TAFA2: variants seen among roughly 807,000 people sequenced by gnomAD.
TAFA2 encodes chemokine-like protein TAFA-2.
Under a neutral mutation model 18.8 loss-of-function variants are expected in TAFA2, and 7 were observed. That is an observed-to-expected ratio of 0.37 (90% CI 0.21 to 0.70). The LOEUF (loss-of-function observed/expected upper bound fraction) is 0.70. Ranked by LOEUF, TAFA2 falls within the 30% of genes least tolerant of loss-of-function variation. The pLI, the probability that TAFA2 is intolerant of heterozygous loss-of-function variation, is 0.53. For missense variants in TAFA2, 122 were observed against 158.1 expected, an observed-to-expected ratio of 0.77 and a Z score of 1.23; for synonymous variants, 60 against 54.2, an observed-to-expected ratio of 1.11 and a Z score of -0.47.
intron 4 of TAFA2, among the ~76,000 whole-genome samples, chr12:61,742,285 GACATCATCCA>G (rs1195817138): frequency 6.6e-6 from 1 of 152,114 alleles, no homozygotes; most frequent in Admixed American, 6.5e-5. Context: ...TGTTAACAAT[GACATCATCCA>G]ACTAGCAGGC....
At chr12:62,221,318 T>C (rs2062762046) in intron 1 of TAFA2, among the ~76,000 whole-genome samples, 1 of 152,020 alleles carries the variant, frequency 6.6e-6, no homozygotes, top group South Asian at 2.1e-4. Flanking sequence ...TCCAAATAGC[T>C]AGATGTACAG....
intron 2 of TAFA2, among the ~76,000 whole-genome samples, chr12:61,866,155 C>T (rs533010311): frequency 9.2e-5 from 14 of 152,218 alleles, no homozygotes; most frequent in African/African-American, 3.4e-4. Context: ...TATATTCACA[C>T]ACACGAAAAC....
chr12:61,782,315 C>T (rs1870539826), intron 2 of TAFA2, among the ~76,000 whole-genome samples: 1 of 151,668 alleles, frequency 6.6e-6, no homozygotes. Flanking sequence ...TCTCTGAAGC[C>T]TGCTACTTGG....
intron 1 of TAFA2, among the ~76,000 whole-genome samples, chr12:61,955,633 ATATATATATATATATATATATATATAT>A (rs1878659267): frequency 1.8e-3 from 16 of 8,766 alleles, no homozygotes; most frequent in Non-Finnish European, 3.1e-3. Flanking sequence ...AAAAAAAAAA[ATATATATATATATATATATATATATAT>A]ATATATATAT....
intron 1 of TAFA2, among the ~76,000 whole-genome samples, chr12:62,002,712 C>G (rs1217653903): frequency 6.6e-6 from 1 of 152,142 alleles, no homozygotes; most frequent in Non-Finnish European, 1.5e-5. Context: ...AACACTCTGG[C>G]CCCTTCCTGA....
At chr12:62,053,253 A>G (rs902120039) in intron 1 of TAFA2, among the ~76,000 whole-genome samples, 30 of 152,204 alleles carry the variant, frequency 2.0e-4, no homozygotes, top group African/African-American at 7.0e-4. Context: ...TACAACCCAG[A>G]GTAATATTTT....
intron 1 of TAFA2, among the ~76,000 whole-genome samples, chr12:61,897,086 C>A (rs1297136251): frequency 6.6e-6 from 1 of 152,052 alleles, no homozygotes; most frequent in African/African-American, 2.4e-5. Flanking sequence ...CAAATATGAA[C>A]CACTACCTAC....
chr12:61,738,509 C>T (rs1005326466), intron 4 of TAFA2, among the ~76,000 whole-genome samples: 1 of 152,034 alleles, frequency 6.6e-6, no homozygotes, highest in Non-Finnish European at 1.5e-5. Flanking sequence ...TTGTCTCCTT[C>T]ACCTGGTAGG....
At chr12:61,924,132 C>T (rs1565683089) in intron 1 of TAFA2, among the ~76,000 whole-genome samples, 1 of 151,828 alleles carries the variant, frequency 6.6e-6, no homozygotes, top group Non-Finnish European at 1.5e-5. Context: ...CTGAAAGTGA[C>T]AGGGAGAAAG....
intron 2 of TAFA2, among the ~76,000 whole-genome samples, chr12:61,816,328 T>C (rs1490757121): frequency 6.6e-6 from 1 of 151,442 alleles, no homozygotes; most frequent in Non-Finnish European, 1.5e-5. Context: ...TCCAGCTCCA[T>C]CCATGTTCCT....
intron 1 of TAFA2, among the ~76,000 whole-genome samples, chr12:62,117,402 A>G (rs536462418): frequency 6.8e-4 from 104 of 152,306 alleles, no homozygotes; most frequent in Non-Finnish European, 1.2e-3. Flanking sequence ...TTTTCTAAAT[A>G]TAAAAAAAAA....
intron 1 of TAFA2, among the ~76,000 whole-genome samples, chr12:62,146,939 A>G (rs1386097248): frequency 1.3e-5 from 2 of 152,102 alleles, no homozygotes; most frequent in Admixed American, 6.6e-5. Flanking sequence ...TTATTAAAAT[A>G]TGACCACTAA....
chr12:61,769,721 G>A (rs917845031), intron 2 of TAFA2, among the ~76,000 whole-genome samples: 12 of 152,000 alleles, frequency 7.9e-5, no homozygotes, highest in Non-Finnish European at 4.4e-5. Flanking sequence ...GCACCACATG[G>A]GAACAAAAAA....
chr12:62,232,635 C>A (rs190527029), intron 1 of TAFA2, among the ~76,000 whole-genome samples: 16 of 152,220 alleles, frequency 1.1e-4, no homozygotes, highest in Admixed American at 9.8e-4. Context: ...TCTCAGCCCC[C>A]CGAGTAGCTG....
intron 1 of TAFA2, among the ~76,000 whole-genome samples, chr12:62,232,735 C>T (rs2062817348): frequency 6.6e-6 from 1 of 152,042 alleles, no homozygotes; most frequent in Non-Finnish European, 1.5e-5. Flanking sequence ...TGGTCTTGAA[C>T]TCCTGATTTC....
In TAFA2 at chr12:62,128,360, C is replaced by T. The variant is rs11174336; in HGVS notation, c.-2+62899G>A. Among the ~76,000 whole-genome samples, 50 of 152,158 alleles carry T rather than the reference C, an allele frequency of 3.3e-4. No homozygotes were observed. The East Asian group carries it at 9.3e-3, about 28-fold the overall frequency. On this transcript the variant is annotated intron_variant, in intron 1 of 4. Coordinates refer to ENST00000416284, the MANE Select transcript of TAFA2 (RefSeq NM_178539.5). ...GTTTTGTACTCAGATAATTCATTTC[C>T]TTGGAAACTCAGAGGTTGTGAAACA...
At chr12:62,093,559 T>TTTTAGCTATAAA (rs1215196197) in intron 1 of TAFA2, among the ~76,000 whole-genome samples, 1 of 152,040 alleles carries the variant, frequency 6.6e-6, no homozygotes, top group Non-Finnish European at 1.5e-5. Context: ...AGTCTGTAAA[T>TTTTAGCTATAAA]TTTAGCTATA....
chr12:62,065,781 C>T (rs1440368789), intron 1 of TAFA2, among the ~76,000 whole-genome samples: 1 of 151,104 alleles, frequency 6.6e-6, no homozygotes, highest in Non-Finnish European at 1.5e-5. Context: ...ACATATATTT[C>T]ACCTCAAAAG....
chr12:62,045,480 A>T (rs886644299), intron 1 of TAFA2, among the ~76,000 whole-genome samples: 3 of 152,204 alleles, frequency 2.0e-5, no homozygotes, highest in Non-Finnish European at 2.9e-5. Context: ...AGATGTTACC[A>T]GTAAAACAAA....
Sources: allele counts gnomAD v4.1 joint callset (sites outside exome capture counted in the v4.1 genomes callset), GRCh38; gene constraint gnomAD v4.1.1; transcripts MANE v1.5; gene names NCBI Gene and HGNC (gene_info 2026-07-23, HGNC 2026-07-21).